The following DCC variants were observed in gnomAD, a reference collection of about 807,000 sequenced individuals.
DCC encodes the protein DCC netrin 1 receptor.
In DCC, 58 loss-of-function variants were observed where a neutral mutation model predicts 172.5. The ratio of observed to expected loss-of-function variants is 0.34; its 90% CI spans 0.27 to 0.42. The LOEUF is 0.42. DCC is among the 10% of genes least tolerant of loss of function. The pLI, the probability that DCC is intolerant of heterozygous loss-of-function variation, is 1.00. For synonymous variants in DCC, 709 were observed against 644.5 expected, an observed-to-expected ratio of 1.10 and a Z score of -1.52; for missense variants, 1,740 against 1,791.0, an observed-to-expected ratio of 0.97 and a Z score of 0.51.
At chr18:52,775,723 C>A (rs1755764732) in intron 2 of DCC, among the ~76,000 whole-genome samples, 1 of 152,204 alleles carries the variant, frequency 6.6e-6, no homozygotes, top group Non-Finnish European at 1.5e-5. Flanking sequence ...GTGTCTTCTT[C>A]CGCCGATGTG....
Position 53,322,128 on chromosome 18 carries a change from C to A in DCC, c.2135C>A (p.Thr712Asn). The A allele has an allele frequency of 6.3e-7, 1 of 1,580,822 alleles. No homozygotes were observed. Among genetic ancestry groups the A allele is most frequent in the Non-Finnish European group, 8.7e-7 (1 of 1,149,590 alleles). Residue 712 changes from threonine (T) to asparagine (N), a missense_variant, in exon 14 of 29, where the codon ACT becomes AAT. Physicochemically the swap from Thr to Asn is moderately conservative, Grantham distance 65. Around this residue, in one of 2 missense-constraint regions of DCC, gnomAD observed 1,732 missense variants for 1,767.4 expected, o/e 0.98. Transcript: ENST00000442544. ...NGTGPPSNWY[T>N]AETPENDLDE... The stretch of plus-strand genomic sequence containing the variant: ...ACTGGACCACCTTCCAACTGGTATA[C>A]TGCAGAGACTCCAGAGAATGATCTA...
At chr18:52,464,194 T>C (rs1363991435) in intron 1 of DCC, among the ~76,000 whole-genome samples, 1 of 152,206 alleles carries the variant, frequency 6.6e-6, no homozygotes, top group Non-Finnish European at 1.5e-5. Flanking sequence ...ATGTTCTCAG[T>C]ATATGCTTAC....
intron 12 of DCC, among the ~76,000 whole-genome samples, chr18:53,216,930 A>T (rs2055860816): frequency 6.6e-6 from 1 of 152,158 alleles, no homozygotes; most frequent in Non-Finnish European, 1.5e-5. Context: ...GCCAAGTCAA[A>T]GTCAAGTAGA....
At chr18:52,589,396 C>A (rs942835163) in intron 1 of DCC, among the ~76,000 whole-genome samples, 1 of 152,152 alleles carries the variant, frequency 6.6e-6, no homozygotes, top group Non-Finnish European at 1.5e-5. Flanking sequence ...CTAAGTATAT[C>A]CAAGAGTGTC....
intron 1 of DCC, among the ~76,000 whole-genome samples, chr18:52,400,918 G>A (rs1484242304): frequency 1.3e-5 from 2 of 151,614 alleles, no homozygotes; most frequent in African/African-American, 4.8e-5. Flanking sequence ...ATAGGGAGGG[G>A]AACATCACAC....
intron 27 of DCC, among the ~76,000 whole-genome samples, chr18:53,510,503 AAAAGAGTATGTGTTTG>A (rs1416116922): frequency 6.6e-6 from 1 of 152,224 alleles, no homozygotes; most frequent in Non-Finnish European, 1.5e-5. Context: ...GCCGTAAGTC[AAAAGAGTATGTGTTTG>A]AGGAGGCTGG....
intron 20 of DCC, among the ~76,000 whole-genome samples, chr18:53,415,198 G>C (rs1910238219): frequency 6.6e-6 from 1 of 152,134 alleles, no homozygotes; most frequent in Non-Finnish European, 1.5e-5. Context: ...ATGAGAGACT[G>C]TATTATCAGT....
At chr18:52,749,545 C>T (rs115814486) in intron 1 of DCC, among the ~76,000 whole-genome samples, 100 of 152,258 alleles carry the variant, frequency 6.6e-4, no homozygotes, top group African/African-American at 2.4e-3. Context: ...TGCCTATATC[C>T]CAAAGCCATA....
intron 1 of DCC, among the ~76,000 whole-genome samples, chr18:52,665,001 G>A (rs2144956497): frequency 6.6e-6 from 1 of 152,312 alleles, no homozygotes. Flanking sequence ...AGCAAGGCAG[G>A]TCAATAGACA....
chr18:53,122,554 G>T (rs2043497533), intron 7 of DCC, among the ~76,000 whole-genome samples: 1 of 151,916 alleles, frequency 6.6e-6, no homozygotes, highest in African/African-American at 2.4e-5. Context: ...GTAAAATTCA[G>T]TAGTCTAGAA....
chr18:52,366,766 G>T (rs1275137640), intron 1 of DCC, among the ~76,000 whole-genome samples: 1 of 152,206 alleles, frequency 6.6e-6, no homozygotes, highest in African/African-American at 2.4e-5. Context: ...GTGCTGATTG[G>T]TGTATTTACA....
chr18:53,122,579 A>G (rs2043498180), intron 7 of DCC, among the ~76,000 whole-genome samples: 2 of 151,982 alleles, frequency 1.3e-5, no homozygotes, highest in African/African-American at 4.8e-5. Flanking sequence ...TTTATCTTGG[A>G]AAACATGTAG....
chr18:53,162,209 G>GAATT (rs2054852253), intron 8 of DCC, among the ~76,000 whole-genome samples: 1 of 149,960 alleles, frequency 6.7e-6, no homozygotes, highest in South Asian at 2.1e-4. Flanking sequence ...TGAGGCAGGG[G>GAATT]AATTGCGTGA....
At chr18:53,127,842 C>A (rs1445333197) in intron 7 of DCC, among the ~76,000 whole-genome samples, 1 of 152,090 alleles carries the variant, frequency 6.6e-6, no homozygotes, top group East Asian at 1.9e-4. Context: ...AACAGTGTGC[C>A]ATTCAACTGG....
At chr18:53,297,015 A>G (rs912593110) in intron 12 of DCC, among the ~76,000 whole-genome samples, 2 of 152,182 alleles carry the variant, frequency 1.3e-5, no homozygotes, top group Admixed American at 1.3e-4. Context: ...CCTGAAGGTC[A>G]CTCTGGAGAG....
At chr18:53,338,794 T>C (rs2057620257) in intron 14 of DCC, among the ~76,000 whole-genome samples, 1 of 152,212 alleles carries the variant, frequency 6.6e-6, no homozygotes, top group South Asian at 2.1e-4. Flanking sequence ...TTTTAATATC[T>C]AGCAATATTT....
intron 1 of DCC, among the ~76,000 whole-genome samples, chr18:52,393,587 C>T (rs1468982893): frequency 6.6e-6 from 1 of 152,054 alleles, no homozygotes; most frequent in Non-Finnish European, 1.5e-5. Context: ...GAGCTTATTA[C>T]AGATGAAAAT....
At chr18:52,957,612 GA>G (rs1010669547) in intron 5 of DCC, among the ~76,000 whole-genome samples, 1 of 152,022 alleles carries the variant, frequency 6.6e-6, no homozygotes, top group Non-Finnish European at 1.5e-5. Context: ...GTGATTTTAA[GA>G]GAAGACTATA....
At chr18:52,971,170 T>A (rs1028721469) in intron 5 of DCC, among the ~76,000 whole-genome samples, 1 of 152,168 alleles carries the variant, frequency 6.6e-6, no homozygotes, top group Non-Finnish European at 1.5e-5. Context: ...CTTTTCTTTT[T>A]CGTTAGTGCA....
Sources: allele counts gnomAD v4.1 joint callset (sites outside exome capture counted in the v4.1 genomes callset), GRCh38; gene constraint gnomAD v4.1.1; regional missense constraint gnomAD v4.1.1; transcripts MANE v1.5; gene names NCBI Gene and HGNC (gene_info 2026-07-23, HGNC 2026-07-21).